BNC2: variants seen among roughly 807,000 people sequenced by gnomAD.
BNC2 encodes zinc finger protein basonuclin-2.
Under a neutral mutation model 76.3 loss-of-function variants are expected in BNC2, and 20 were observed. The ratio of observed to expected loss-of-function variants is 0.26; its 90% confidence interval spans 0.18 to 0.38. The LOEUF is 0.38. Ranked by LOEUF, BNC2 falls within the 10% of genes least tolerant of loss-of-function variation. The probability of loss-of-function intolerance (pLI) is 1.00; values close to 1 mark genes in which losing one functional copy is unlikely to be tolerated. For missense variants in BNC2, 1,382 were observed against 1,399.8 expected (o/e 0.99, Z 0.20); for synonymous variants, 582 against 514.8 (o/e 1.13, Z -1.77).
At chr9:16,734,817 A>T (rs1292662900) in intron 2 of BNC2, among the ~76,000 whole-genome samples, 1 of 152,218 alleles carries the variant, frequency 6.6e-6, no homozygotes, top group African/African-American at 2.4e-5. Context: ...AATAGAGGAA[A>T]ATAGGCCTTC....
At chr9:16,537,300 G>A (rs777434253) in intron 5 of BNC2, among the ~76,000 whole-genome samples, 4 of 151,880 alleles carry the variant, frequency 2.6e-5, no homozygotes, top group Admixed American at 6.6e-5. Context: ...GAGTACATAC[G>A]GTTTCCTTGA....
chr9:16,587,671 C>G (rs559678504), intron 3 of BNC2, among the ~76,000 whole-genome samples: 1 of 152,294 alleles, frequency 6.6e-6, no homozygotes, highest in East Asian at 1.9e-4. Context: ...ATTCTGCCTA[C>G]TAGAGTAGAA....
At chr9:16,476,984 A>T (rs962518131) in intron 5 of BNC2, among the ~76,000 whole-genome samples, 2 of 152,318 alleles carry the variant, frequency 1.3e-5, no homozygotes, top group African/African-American at 4.8e-5. Flanking sequence ...AGCCTTCAAG[A>T]GGAACCCCGA....
chr9:16,528,959 G>C (rs536953368), intron 5 of BNC2, among the ~76,000 whole-genome samples: 1 of 152,324 alleles, frequency 6.6e-6, no homozygotes, highest in South Asian at 2.1e-4. Context: ...CAATTGAGGT[G>C]TGAGTAGGGC....
At chr9:16,833,068 A>AATTCTGTAAG (rs1453310855) in intron 1 of BNC2, among the ~76,000 whole-genome samples, 1 of 151,732 alleles carries the variant, frequency 6.6e-6, no homozygotes, top group Admixed American at 6.6e-5. Flanking sequence ...TTACAGAAGT[A>AATTCTGTAAG]AATCAATTCA....
chr9:16,450,238 T>C (rs1368022791), intron 5 of BNC2, among the ~76,000 whole-genome samples: 2 of 152,210 alleles, frequency 1.3e-5, no homozygotes, highest in African/African-American at 4.8e-5. Flanking sequence ...CCACATCTGC[T>C]CTGATAAAAT....
At chr9:16,440,262 G>C (rs1043379287) in intron 5 of BNC2, among the ~76,000 whole-genome samples, 2 of 152,160 alleles carry the variant, frequency 1.3e-5, no homozygotes, top group African/African-American at 4.8e-5. Context: ...AGTTTAGAGT[G>C]TGTCCACAGT....
intron 1 of BNC2, among the ~76,000 whole-genome samples, chr9:16,844,629 G>C (rs1818920083): frequency 6.6e-6 from 1 of 151,244 alleles, no homozygotes; most frequent in South Asian, 2.1e-4. Context: ...CTCCCGAGTA[G>C]CTGGGACTAC....
chr9:16,573,089 G>A (rs1255711333), intron 4 of BNC2, among the ~76,000 whole-genome samples: 7 of 151,762 alleles, frequency 4.6e-5, no homozygotes, highest in African/African-American at 1.2e-4. Flanking sequence ...TTAGCTGGGC[G>A]TGGTAGCGCA....
intron 1 of BNC2, among the ~76,000 whole-genome samples, chr9:16,749,081 C>A (rs1391713033): frequency 6.6e-6 from 1 of 151,738 alleles, no homozygotes; most frequent in Non-Finnish European, 1.5e-5. Flanking sequence ...AGCTTGTAAG[C>A]TTTGTTTCAT....
At chr9:16,716,455 C>CTT (rs543378329) in intron 3 of BNC2, among the ~76,000 whole-genome samples, 1 of 151,236 alleles carries the variant, frequency 6.6e-6, no homozygotes, top group Admixed American at 6.6e-5. Flanking sequence ...TTTATATCTA[C>CTT]TTTTTTTTTA....
At chr9:16,464,420 A>G (rs772127756) in intron 5 of BNC2, among the ~76,000 whole-genome samples, 10 of 152,164 alleles carry the variant, frequency 6.6e-5, no homozygotes, top group African/African-American at 1.4e-4. Context: ...CAAACCTGGA[A>G]GAAGGGAAGA....
intron 5 of BNC2, among the ~76,000 whole-genome samples, chr9:16,533,769 G>A (rs935301530): frequency 2.6e-5 from 4 of 152,088 alleles, no homozygotes; most frequent in Admixed American, 2.6e-4. Flanking sequence ...TAACTAAATA[G>A]CAAATGCCAA....
At chr9:16,607,408 A>G (rs573758114) in intron 3 of BNC2, among the ~76,000 whole-genome samples, 67 of 152,286 alleles carry the variant, frequency 4.4e-4, no homozygotes, top group African/African-American at 1.5e-3. Flanking sequence ...CCAAGTCCAC[A>G]CTTGTAAACT....
intron 5 of BNC2, among the ~76,000 whole-genome samples, chr9:16,511,685 C>A (rs10117527): frequency 2.6e-5 from 4 of 151,808 alleles, no homozygotes; most frequent in African/African-American, 9.7e-5. Context: ...GGCCTCAGCC[C>A]CCCAAAGTGC....
At chr9:16,834,241 T>C (rs1818650308) in intron 1 of BNC2, among the ~76,000 whole-genome samples, 1 of 152,206 alleles carries the variant, frequency 6.6e-6, no homozygotes, top group African/African-American at 2.4e-5. Flanking sequence ...ATTTGTAGTA[T>C]TTAATTTCTA....
intron 5 of BNC2, among the ~76,000 whole-genome samples, chr9:16,515,153 A>C (rs1229640761): frequency 2.0e-5 from 3 of 152,250 alleles, no homozygotes; most frequent in African/African-American, 7.2e-5. Context: ...GAGGGAATTC[A>C]ACATCATTAG....
At chr9:16,599,867 T>C (rs556513788) in intron 3 of BNC2, among the ~76,000 whole-genome samples, 2 of 152,336 alleles carry the variant, frequency 1.3e-5, no homozygotes, top group East Asian at 3.9e-4. Flanking sequence ...CGCATGCCCA[T>C]GTGTTGTGGT....
At chr9:16,813,214 T>C (rs1390755668) in intron 1 of BNC2, among the ~76,000 whole-genome samples, 1 of 151,578 alleles carries the variant, frequency 6.6e-6, no homozygotes, top group African/African-American at 2.4e-5. Flanking sequence ...GAAAAACTCC[T>C]AAAGGTCTAT....
Sources: allele counts gnomAD v4.1 joint callset (sites outside exome capture counted in the v4.1 genomes callset), GRCh38; gene constraint gnomAD v4.1.1; transcripts MANE v1.5; gene names NCBI Gene and HGNC (gene_info 2026-07-23, HGNC 2026-07-21).